The following VSIG8 variants were observed in gnomAD, a reference collection of about 807,000 sequenced individuals.
VSIG8 encodes V-set and immunoglobulin domain containing 8, also known as V-set and immunoglobulin domain-containing protein 8.
Under a neutral mutation model 42.6 loss-of-function variants are expected in VSIG8, and 32 were observed. The ratio of observed to expected loss-of-function variants is 0.75; its 90% confidence interval spans 0.57 to 1.01. VSIG8 has a LOEUF of 1.01. Ranked by LOEUF, VSIG8 falls within the 50% of genes least tolerant of loss-of-function variation. The pLI, the probability that VSIG8 is intolerant of heterozygous loss-of-function variation, is 0.00. For missense variants in VSIG8, 529 were observed against 558.0 expected, an observed-to-expected ratio of 0.95 and a Z score of 0.52; for synonymous variants, 290 against 243.8, an observed-to-expected ratio of 1.19 and a Z score of -1.77.
chr1:159,862,546 G>C lies in VSIG8; in HGVS notation c.-25C>G. ...TGTCTCTAGGCTCGGTGTTTCCTCC[G>C]TCTGGGCTGGGTATCCCGTGGGGTC... On this transcript the variant is annotated 5_prime_UTR_variant, in exon 1 of 7. Transcript: ENST00000368100. 1 of 1,609,992 alleles carries C rather than the reference G, an allele frequency of 6.2e-7. No homozygotes were observed. The highest frequency in any genetic ancestry group is 8.5e-7 in the Non-Finnish European group (1 of 1,177,484).
chr1:159,858,383 CTG>C, intron 2 of VSIG8, 92 bp from the exon 3 acceptor site: 1 of 1,300,628 alleles, frequency 7.7e-7, no homozygotes, highest in East Asian at 2.3e-5. Flanking sequence ...CTGAACTTCT[CTG>C]AGACTCTTTT....
chr1:159,855,849 C>G (rs753737436), intron 6 of VSIG8, 34 bp downstream of exon 6: 18 of 1,517,796 alleles, frequency 1.2e-5, no homozygotes, highest in Non-Finnish European at 1.6e-5. Flanking sequence ...GGTTCCCTGC[C>G]GCACAGCAGC....
At chr1:159,857,180 C>A (rs1407553466) in intron 4 of VSIG8, among the ~76,000 whole-genome samples, 1 of 152,176 alleles carries the variant, frequency 6.6e-6, no homozygotes, top group African/African-American at 2.4e-5. Flanking sequence ...AGTGTCCCAG[C>A]CAGGATTCAA....
chr1:159,858,922 G>C lies in VSIG8; in HGVS notation c.50-10C>G, dbSNP rs765624902. On this transcript the variant is annotated splice_polypyrimidine_tract_variant and intron_variant, in intron 1 of 6. Coordinates refer to ENST00000368100, the MANE Select transcript of VSIG8 (RefSeq NM_001013661.1). The stretch of plus-strand genomic sequence containing the variant: ...ACAGCAGACAGCAGTGCTAGGGGGA[G>C]GGCAGAGAAGATGGGGTGGTAGGAG... 6.2e-7 allele frequency: 1 copy of C among 1,609,336 alleles called. No individual in the cohort carries two copies. Among genetic ancestry groups the C allele is most frequent in the Non-Finnish European group, 8.5e-7 (1 of 1,177,408 alleles).
At chr1:159,856,708 G>A (rs1648841403) in intron 4 of VSIG8, 65 bp from the exon 5 acceptor site, 10 of 1,587,048 alleles carry the variant, frequency 6.3e-6, no homozygotes, top group Admixed American at 1.8e-5. Context: ...GTCCCTGTGG[G>A]GTGGGGGATG....
intron 6 of VSIG8, chr1:159,855,481 C>A (rs1020990120): frequency 2.3e-5 from 32 of 1,379,232 alleles, no homozygotes; most frequent in Non-Finnish European, 2.7e-5. Context: ...TAGACTTGTT[C>A]TATTTTTATT....
intron 5 of VSIG8, 100 bp downstream of exon 5, chr1:159,856,424 G>T (rs772590303): frequency 1.2e-5 from 19 of 1,574,474 alleles, no homozygotes; most frequent in Non-Finnish European, 1.6e-5. Flanking sequence ...GCAAATGGAT[G>T]GCAGTGGAAA....
intron 4 of VSIG8, 101 bp from the exon 5 acceptor site, chr1:159,856,744 G>A: frequency 6.6e-7 from 1 of 1,509,210 alleles, no homozygotes; most frequent in Non-Finnish European, 9.0e-7. Flanking sequence ...AAGAAGGGAA[G>A]GCTTATGCAT....
chr1:159,856,672 C>A, intron 4 of VSIG8, 29 bp from the exon 5 acceptor site: 1 of 1,609,536 alleles, frequency 6.2e-7, no homozygotes, highest in Non-Finnish European at 8.5e-7. Flanking sequence ...GAGGCCTGGT[C>A]TCTGAGAGCT....
At chr1:159,855,772 G>C in intron 6 of VSIG8, 111 bp downstream of exon 6, 1 of 1,420,216 alleles carries the variant, frequency 7.0e-7, no homozygotes, top group Non-Finnish European at 9.2e-7. Context: ...CGTGGCGATG[G>C]CGGGCAGGGT....
At chr1:159,858,343 C>G (rs776451015) in intron 2 of VSIG8, 52 bp from the exon 3 acceptor site, 2 of 1,585,668 alleles carry the variant, frequency 1.3e-6, no homozygotes, top group South Asian at 1.1e-5. Context: ...CCAAGAAGGG[C>G]CATGTGGATT....
At chr1:159,858,423 G>A in intron 2 of VSIG8, 132 bp from the exon 3 acceptor site, 1 of 932,378 alleles carries the variant, frequency 1.1e-6, no homozygotes, top group East Asian at 2.6e-5. Flanking sequence ...GAATAATGAT[G>A]CCTGAGCCAC....
intron 6 of VSIG8, 140 bp downstream of exon 6, chr1:159,855,743 T>G: frequency 2.2e-6 from 3 of 1,358,056 alleles, no homozygotes; most frequent in Non-Finnish European, 2.8e-6. Flanking sequence ...CAGGTCGACA[T>G]GCCGCAGTCC....
chr1:159,856,414 G>T, intron 5 of VSIG8, 110 bp downstream of exon 5: 1 of 1,557,790 alleles, frequency 6.4e-7, no homozygotes, highest in Non-Finnish European at 8.7e-7. Context: ...GCCCCCACTG[G>T]CAAATGGATG....
intron 4 of VSIG8, 94 bp downstream of exon 4, chr1:159,857,651 T>G (rs575224629): frequency 4.0e-6 from 4 of 1,000,362 alleles, no homozygotes; most frequent in South Asian, 3.2e-5. Flanking sequence ...CAGGTTTGAT[T>G]TGATGGCACT....
intron 6 of VSIG8, 93 bp from the exon 7 acceptor site, chr1:159,855,119 T>C: frequency 1.3e-6 from 2 of 1,551,362 alleles, no homozygotes; most frequent in Non-Finnish European, 8.7e-7. Context: ...TGGCAACCTC[T>C]TGTCTCCCGC....
At chr1:159,855,602 T>C (rs1648789418) in intron 6 of VSIG8, 1 of 984,432 alleles carries the variant, frequency 1.0e-6, no homozygotes. Context: ...TGAAAAAACA[T>C]AGGCCCTGCC....
At chr1:159,860,249 C>A (rs1241125961) in intron 1 of VSIG8, among the ~76,000 whole-genome samples, 1 of 152,188 alleles carries the variant, frequency 6.6e-6, no homozygotes, top group Non-Finnish European at 1.5e-5. Flanking sequence ...CCCACTCTTA[C>A]AAGGCTTCAA....
intron 1 of VSIG8, among the ~76,000 whole-genome samples, chr1:159,859,745 C>T (rs2494506): frequency 0.67 from 101,829 of 151,930 alleles, 34,485 homozygotes; most frequent in Admixed American, 0.77. Context: ...CACAGCATTG[C>T]GTACTGTGTG....
Sources: allele counts gnomAD v4.1 joint callset (sites outside exome capture counted in the v4.1 genomes callset), GRCh38; gene constraint gnomAD v4.1.1; transcripts MANE v1.5; gene names NCBI Gene and HGNC (gene_info 2026-07-23, HGNC 2026-07-21).